Variants in ITGB4 observed in about 807,000 individuals in gnomAD.
ITGB4 encodes the protein integrin subunit beta 4.
Under a neutral mutation model 207.6 loss-of-function variants are expected in ITGB4, and 159 were observed. The ratio of observed to expected loss-of-function variants is 0.77; its 90% CI spans 0.67 to 0.87. The LOEUF (loss-of-function observed/expected upper bound fraction) is 0.87. ITGB4 is among the 40% of genes least tolerant of loss of function. The pLI, the probability that ITGB4 is intolerant of heterozygous loss-of-function variation, is 0.00. For synonymous variants in ITGB4, 1,020 were observed against 1,062.7 expected (o/e 0.96, Z 0.78); for missense variants, 2,278 against 2,546.8 (o/e 0.89, Z 2.27).
At chr17:75,738,895 G>C (rs1009006235) in intron 18 of ITGB4, among the ~76,000 whole-genome samples, 1 of 152,020 alleles carries the variant, frequency 6.6e-6, no homozygotes, top group South Asian at 2.1e-4. Context: ...GGAGGATCAC[G>C]AGTCTGGGAG....
rs527739311 is a variant in ITGB4 at position 75,726,889 on chromosome 17, C to T, written c.80-306C>T. Among the ~76,000 whole-genome samples, 58 of 152,160 alleles carry T rather than the reference C, an allele frequency of 3.8e-4. No homozygotes were observed. In the South Asian group the frequency reaches 0.01, roughly 27 times the overall value. ...GAGATCGAGACCATCCTGGCTAACA[C>T]GGTGAAACCCTGTCTCTACTAAAAA... is the stretch of plus-strand genomic sequence containing the variant. On this transcript the variant is annotated intron_variant, in intron 2 of 39. Transcript: ENST00000200181.
chr17:75,747,580 A>G (rs972833831), intron 26 of ITGB4, among the ~76,000 whole-genome samples: 2 of 152,244 alleles, frequency 1.3e-5, no homozygotes, highest in African/African-American at 4.8e-5. Flanking sequence ...CCAATGCAGG[A>G]ACTAATCAAG....
intron 18 of ITGB4, 104 bp downstream of exon 18, chr17:75,737,748 C>A: frequency 1.0e-6 from 1 of 973,168 alleles, no homozygotes; most frequent in Non-Finnish European, 1.6e-6. Context: ...GAGTTCTCAT[C>A]TCCCCAGGGT....
intron 1 of ITGB4, among the ~76,000 whole-genome samples, chr17:75,723,901 G>A (rs572817576): frequency 6.6e-6 from 1 of 152,388 alleles, no homozygotes; most frequent in Admixed American, 6.5e-5. Context: ...CTCTTAGAGG[G>A]CCTCAGGGAT....
chr17:75,733,642 G>A lies in ITGB4; in HGVS notation c.1607G>A (p.Cys536Tyr), dbSNP rs1170758577. 1 of 1,614,094 alleles carries A rather than the reference G, an allele frequency of 6.2e-7. No homozygotes were observed. Among genetic ancestry groups the A allele is most frequent in the East Asian group, 2.2e-5 (1 of 44,904 alleles). The change falls in exon 13 of 40, where the codon TGC (cysteine) becomes TAC (tyrosine). Residue 536 changes from cysteine to tyrosine, a missense_variant. Cys to Tyr is a radical substitution (Grantham distance 194). Coordinates refer to ENST00000200181, the MANE Select transcript of ITGB4 (RefSeq NM_000213.5). ...YGEGRYEGQFCEYDNFQCPRT... is the reference protein window; with the variant it reads ...YGEGRYEGQFYEYDNFQCPRT... The stretch of plus-strand genomic sequence containing the variant: ...GAAGGCCGCTACGAGGGTCAGTTCT[G>A]CGAGTATGACAACTTCCAGTGTCCC...
At position 75,757,601 on chromosome 17, in the gene ITGB4, G is replaced by T. The variant is rs768005612; in HGVS notation, c.*46G>T. The T allele has an allele frequency of 6.2e-7, 1 of 1,611,178 alleles. No individual in the cohort carries two copies. The highest frequency in any genetic ancestry group is 8.5e-7 in the Non-Finnish European group (1 of 1,178,756). On this transcript the variant is annotated 3_prime_UTR_variant, in exon 40 of 40. Coordinates refer to ENST00000200181, the MANE Select transcript of ITGB4 (RefSeq NM_000213.5). ...GCCACGTCCCACTAGGCGTCCTCCC[G>T]ACTCCTCTCCCGGAGCCTCCTCAGC...
In ITGB4 at chr17:75,731,219, C is replaced by T. The variant is rs2060848650; in HGVS notation, c.1093-27C>T. Reference sequence around the variant, plus strand: ...TGGAGCACAGAGGCCCCCCACAGAGCACTGATCAACCTCCTTCCTCCTTTA... The same window carrying T: ...TGGAGCACAGAGGCCCCCCACAGAGTACTGATCAACCTCCTTCCTCCTTTA... On this transcript the variant is annotated intron_variant, in intron 9 of 39. Transcript: ENST00000200181. This position sits in a 1 kb window ranked among gnomAD's most constrained non-coding sequence, Gnocchi z 6.8. 3 of 1,613,154 alleles carry T rather than the reference C, an allele frequency of 1.9e-6. No homozygotes were observed. The highest frequency in any genetic ancestry group is 1.3e-5 in the African/African-American group (1 of 75,040).
chr17:75,725,563 C>T (rs983451012), intron 2 of ITGB4, among the ~76,000 whole-genome samples: 1 of 152,188 alleles, frequency 6.6e-6, no homozygotes, highest in Non-Finnish European at 1.5e-5. Flanking sequence ...ATCTTCCTAC[C>T]TCGGCTTCCC....
rs1391962256 is a variant in ITGB4, at chr17:75,740,891, C to T, written c.2609+40C>T. ...GCCCGGGTTGGGTGGGGGAGCCGCT[C>T]CTACCGGGACTCCAGGAGCCGAAGC... is the stretch of plus-strand genomic sequence containing the variant. On this transcript the variant is annotated intron_variant, in intron 22 of 39. Coordinates refer to ENST00000200181, the MANE Select transcript of ITGB4 (RefSeq NM_000213.5). This position sits in a 1 kb window ranked among gnomAD's most constrained non-coding sequence, Gnocchi z 5.9. The T allele has an allele frequency of 1.9e-6, 3 of 1,613,166 alleles. No homozygotes were observed. The highest frequency in any genetic ancestry group is 2.5e-6 in the Non-Finnish European group (3 of 1,179,718).
Position 75,731,428 on chromosome 17 carries a change from A to G in ITGB4, c.1215+60A>G. On this transcript the variant is annotated intron_variant, in intron 10 of 39. Transcript: ENST00000200181. The surrounding 1 kb of genome is among the most constrained non-coding windows in gnomAD (Gnocchi z 6.8). ...GGCACAGCGCCCCACACCGAGTGGA[A>G]TCGTTTAAAACAGCGGTCAAGAGCG... is the stretch of plus-strand genomic sequence containing the variant. 3 of 1,547,438 alleles carry G rather than the reference A, an allele frequency of 1.9e-6. No homozygotes were observed. In the Admixed American group the frequency reaches 5.1e-5, roughly 26 times the overall value.
At chr17:75,754,913 C>A in intron 34 of ITGB4, 98 bp downstream of exon 34, 1 of 1,572,364 alleles carries the variant, frequency 6.4e-7, no homozygotes, top group Admixed American at 1.7e-5. Flanking sequence ...ACCGCCCATT[C>A]TCCAACATAC....
chr17:75,740,997 C>A lies in ITGB4; in HGVS notation c.2625C>A (p.Ala875=). 6.2e-7 allele frequency: 1 copy of A among 1,613,698 alleles called. No individual in the cohort carries two copies. Among genetic ancestry groups the A allele is most frequent in the Non-Finnish European group, 8.5e-7 (1 of 1,180,008 alleles). ...GTCCCCACAGGCAGCAGCCCAATGC[C>A]GGGAAAAAGTGAGTAGAAGACTCGT... ...QQTKFRQQPN[A]GKKQDHTIVD... The change falls in exon 23 of 40, where the codon GCC becomes GCA. Residue 875 remains alanine, a synonymous_variant. Coordinates refer to ENST00000200181, the MANE Select transcript of ITGB4 (RefSeq NM_000213.5). This position sits in a 1 kb window ranked among gnomAD's most constrained non-coding sequence, Gnocchi z 5.9.
chr17:75,756,593 C>T lies in ITGB4; in HGVS notation c.4873C>T (p.Gln1625Ter). 6.2e-7 allele frequency: 1 copy of T among 1,612,974 alleles called. No individual in the cohort carries two copies. Among genetic ancestry groups the T allele is most frequent in the Non-Finnish European group, 8.5e-7 (1 of 1,179,970 alleles). The change falls in exon 36 of 40, where the codon CAG becomes TAG. Residue 1625 changes from glutamine to a stop codon, truncating the protein, a stop_gained. Coordinates refer to ENST00000200181, the MANE Select transcript of ITGB4 (RefSeq NM_000213.5). LOFTEE classifies it high-confidence loss of function. ...CACCATTGAATCCCAGGTGCACCCG[C>T]AGAGCCCACTGTGTCCCCTGCCAGG... ...VITIESQVHP[Q>*]SPLCPLPGSA...
intron 30 of ITGB4, among the ~76,000 whole-genome samples, chr17:75,751,403 C>T (rs779767039): frequency 9.2e-5 from 14 of 152,284 alleles, no homozygotes; most frequent in Non-Finnish European, 1.8e-4. Context: ...GGAGCTCACA[C>T]GTGCATGGTT....
chr17:75,731,835 G>C lies in ITGB4; in HGVS notation c.1239G>C (p.Arg413=). The C allele has an allele frequency of 6.2e-7, 1 of 1,607,896 alleles. No individual in the cohort carries two copies. The highest frequency in any genetic ancestry group is 8.5e-7 in the Non-Finnish European group (1 of 1,177,410). Residue 413 remains arginine, a synonymous_variant, in exon 11 of 40, where the codon CGG becomes CGC. Transcript: ENST00000200181. The surrounding 1 kb of genome is among the most constrained non-coding windows in gnomAD (Gnocchi z 6.8). ...GEVGIYQVQL[R]ALEHVDGTHV... ...AGGGTATATACCAGGTGCAGCTGCG[G>C]GCCCTTGAGCACGTGGATGGGACGC...
rs2061538436 is a variant in ITGB4 at position 75,757,274 on chromosome 17, A to G, written c.5293A>G (p.Thr1765Ala). The G allele has an allele frequency of 6.2e-7, 1 of 1,609,868 alleles. No individual in the cohort carries two copies. Reference sequence around the variant, plus strand: ...GCAAAGCGAGTACAGCAGCATCACCACCACCCACACCAGCGCCACCGAGCC... The same window carrying G: ...GCAAAGCGAGTACAGCAGCATCACCGCCACCCACACCAGCGCCACCGAGCC... The part of the protein sequence containing the change: ...PLQSEYSSIT[T>A]THTSATEPFL... Residue 1765 changes from threonine to alanine, a missense_variant, in exon 39 of 40, where the codon ACC becomes GCC. By Grantham distance (58) the Thr-to-Ala change is moderately conservative. Transcript: ENST00000200181.
In ITGB4 at chr17:75,731,274, C is replaced by T. The variant is rs1289562158; in HGVS notation, c.1121C>T (p.Ala374Val). Residue 374 changes from alanine to valine, a missense_variant, in exon 10 of 40, where the codon GCC (alanine) becomes GTC (valine). Transcript: ENST00000200181. The surrounding 1 kb of genome is among the most constrained non-coding windows in gnomAD (Gnocchi z 6.8). ...ATCCGCTCCAACCTGGACATCCGGGCCCTAGACAGCCCCCGAGGCCTTCGG... is the reference window on the plus strand; with the variant it reads ...ATCCGCTCCAACCTGGACATCCGGGTCCTAGACAGCCCCCGAGGCCTTCGG... ...NRIRSNLDIR[A>V]LDSPRGLRTE... 1 of 1,613,550 alleles carries T rather than the reference C, an allele frequency of 6.2e-7. No individual in the cohort carries two copies. The highest frequency in any genetic ancestry group is 1.1e-5 in the South Asian group (1 of 91,084).
Position 75,729,378 on chromosome 17 carries a change from G to A in ITGB4, c.680G>A (p.Gly227Asp). ...AAACTGCAGGGAGAGCGGATCTCAGGCAACCTGGATGCTCCTGAGGGCGGC... is the reference window on the plus strand; with the variant it reads ...AAACTGCAGGGAGAGCGGATCTCAGACAACCTGGATGCTCCTGAGGGCGGC... ...RNKLQGERIS[G>D]NLDAPEGGFD... The change falls in exon 7 of 40, where the codon GGC (glycine) becomes GAC (aspartate). Residue 227 changes from glycine to aspartate, a missense_variant. Physicochemically the swap from Gly to Asp is moderately conservative, Grantham distance 94. Transcript: ENST00000200181. The surrounding 1 kb of genome is among the most constrained non-coding windows in gnomAD (Gnocchi z 4.4). The A allele has an allele frequency of 1.2e-6, 2 of 1,614,176 alleles. No individual in the cohort carries two copies. The highest frequency in any genetic ancestry group is 1.7e-6 in the Non-Finnish European group (2 of 1,180,022).
chr17:75,732,266 C>T lies in ITGB4; in HGVS notation c.1454+27C>T. 1.2e-6 allele frequency: 2 copies of T among 1,607,062 alleles called. No homozygotes were observed. Among genetic ancestry groups the T allele is most frequent in the Non-Finnish European group, 1.7e-6 (2 of 1,174,004 alleles). On this transcript the variant is annotated intron_variant, in intron 12 of 39. Transcript: ENST00000200181. This position sits in a 1 kb window ranked among gnomAD's most constrained non-coding sequence, Gnocchi z 5.3. ...TGAGTGGGGAAGGGAGTTGGGCACC[C>T]AGGACACCAGTGGCCCCTGATGGGA... is the stretch of plus-strand genomic sequence containing the variant.
Sources: gnomAD v4.1 joint callset for allele counts (sites outside exome capture counted in the v4.1 genomes callset) on GRCh38, gnomAD v4.1.1 for gene constraint, Gnocchi (gnomAD v3.1) non-coding constraint, MANE v1.5 for transcripts, NCBI Gene and HGNC (gene_info 2026-07-23, HGNC 2026-07-21) for gene names.